SMC5: variants seen among roughly 807,000 people sequenced by gnomAD.
SMC5 encodes structural maintenance of chromosomes protein 5.
A neutral mutation model predicts 148.3 loss-of-function variants in SMC5; 88 were observed. The observed-to-expected ratio is 0.59, with a 90% confidence interval of 0.50 to 0.71. SMC5 has a LOEUF of 0.71. Among genes scored for constraint, SMC5 ranks in the 30% least tolerant of loss-of-function variants. The probability of loss-of-function intolerance (pLI) is 0.00; values close to 1 mark genes in which losing one functional copy is unlikely to be tolerated. For synonymous variants in SMC5, 421 were observed against 432.8 expected (o/e 0.97, Z 0.34); for missense variants, 1,142 against 1,298.9 (o/e 0.88, Z 1.86).
chr9:70,330,487 A>ATAAATAATTTAC (rs2036190559), intron 17 of SMC5, among the ~76,000 whole-genome samples: 1 of 152,002 alleles, frequency 6.6e-6, no homozygotes, highest in Non-Finnish European at 1.5e-5. Context: ...ACTCTGTAGG[A>ATAAATAATTTAC]TAAATAATTT....
At chr9:70,350,314 C>T (rs2036774721) in intron 23 of SMC5, 21 bp downstream of exon 23, 1 of 1,610,998 alleles carries the variant, frequency 6.2e-7, no homozygotes, top group Non-Finnish European at 8.5e-7. Flanking sequence ...TGTTCTGTTA[C>T]TTGGATCTTC....
Position 70,350,357 on chromosome 9 carries a change from TATTGTTGCC to T in SMC5, c.3070-12_3070-4del. 1 of 1,610,642 alleles carries T rather than the reference TATTGTTGCC, an allele frequency of 6.2e-7. No individual in the cohort carries two copies. The highest frequency in any genetic ancestry group is 8.5e-7 in the Non-Finnish European group (1 of 1,178,562). On this transcript the variant is annotated splice_polypyrimidine_tract_variant and intron_variant, in intron 23 of 24. Coordinates refer to ENST00000361138, the MANE Select transcript of SMC5 (RefSeq NM_015110.4). ...CTGTAACAGGAATAAATGTAATCAT[TATTGTTGCC>T]ATTGTTTAGGGAATGGACCCAATCA... is the stretch of plus-strand genomic sequence containing the variant.
intron 17 of SMC5, among the ~76,000 whole-genome samples, chr9:70,334,882 A>G (rs924466236): frequency 3.9e-5 from 6 of 152,206 alleles, no homozygotes; most frequent in Non-Finnish European, 8.8e-5. Context: ...GGTAGCAAAG[A>G]AAAAGTATAT....
chr9:70,279,086 G>A, intron 5 of SMC5, among the ~76,000 whole-genome samples: 1 of 151,896 alleles, frequency 6.6e-6, no homozygotes, highest in South Asian at 2.1e-4. Flanking sequence ...ACATTTAGTT[G>A]GAATGTTGGT....
chr9:70,348,376 C>CT (rs550468647), intron 22 of SMC5, among the ~76,000 whole-genome samples: 64 of 145,478 alleles, frequency 4.4e-4, no homozygotes, highest in African/African-American at 7.3e-4. Context: ...ATATCAGTGT[C>CT]TTTTTTTTTT....
chr9:70,338,072 T>C (rs2036412346), intron 17 of SMC5, among the ~76,000 whole-genome samples: 1 of 152,108 alleles, frequency 6.6e-6, no homozygotes, highest in South Asian at 2.1e-4. Flanking sequence ...TGAAGTGCGG[T>C]GGCATGGTCA....
intron 11 of SMC5, among the ~76,000 whole-genome samples, chr9:70,307,421 A>G (rs1001296856): frequency 6.6e-6 from 1 of 152,132 alleles, no homozygotes; most frequent in African/African-American, 2.4e-5. Context: ...TACCTATAAG[A>G]AAGAGCTTTT....
At chr9:70,291,629 A>G (rs1351533330) in intron 8 of SMC5, among the ~76,000 whole-genome samples, 4 of 152,184 alleles carry the variant, frequency 2.6e-5, no homozygotes, top group African/African-American at 9.7e-5. Context: ...TGTAACTGTT[A>G]TCTGCTTCAG....
At chr9:70,338,647 C>T (rs1458711275) in intron 17 of SMC5, among the ~76,000 whole-genome samples, 1 of 152,134 alleles carries the variant, frequency 6.6e-6, no homozygotes, top group Non-Finnish European at 1.5e-5. Context: ...GCCTTTTTTA[C>T]CTTGGTTGGC....
At chr9:70,269,161 AAAG>A (rs774457544) in intron 3 of SMC5, among the ~76,000 whole-genome samples, 2 of 152,234 alleles carry the variant, frequency 1.3e-5, no homozygotes, top group African/African-American at 2.4e-5. Context: ...ATGGAAGTAA[AAAG>A]AAAATAAATT....
chr9:70,304,512 C>T (rs1587668155), intron 10 of SMC5, among the ~76,000 whole-genome samples: 1 of 152,108 alleles, frequency 6.6e-6, no homozygotes, highest in Non-Finnish European at 1.5e-5. Flanking sequence ...CATGATTAAA[C>T]CCTGTCTCTA....
intron 11 of SMC5, among the ~76,000 whole-genome samples, chr9:70,307,815 A>G (rs2118497302): frequency 1.3e-5 from 2 of 152,176 alleles, no homozygotes; most frequent in Middle Eastern, 3.4e-3. Flanking sequence ...ATTCATTACT[A>G]TTTTAATGCT....
chr9:70,272,847 CAGG>C (rs1439658299), intron 3 of SMC5, among the ~76,000 whole-genome samples: 2 of 152,168 alleles, frequency 1.3e-5, no homozygotes, highest in Non-Finnish European at 2.9e-5. Context: ...GGAACAACTT[CAGG>C]AGGAGTCAGT....
intron 11 of SMC5, among the ~76,000 whole-genome samples, chr9:70,308,301 T>C (rs1301332686): frequency 3.9e-5 from 6 of 152,006 alleles, no homozygotes; most frequent in Non-Finnish European, 8.8e-5. Context: ...CCTCTGAAAA[T>C]AGTTTAAGAA....
chr9:70,326,662 A>G (rs1001560889), intron 17 of SMC5, among the ~76,000 whole-genome samples: 2 of 149,728 alleles, frequency 1.3e-5, no homozygotes, highest in East Asian at 3.9e-4. Context: ...TAAAAGCTAC[A>G]CTCATCTAAA....
At chr9:70,267,810 C>T (rs2034331868) in intron 2 of SMC5, 113 bp from the exon 3 acceptor site, 1 of 848,856 alleles carries the variant, frequency 1.2e-6, no homozygotes, top group East Asian at 2.5e-5. Flanking sequence ...AGCGAACATA[C>T]AAGTGGTACC....
At chr9:70,318,285 G>A (rs897786338) in intron 13 of SMC5, among the ~76,000 whole-genome samples, 1 of 152,008 alleles carries the variant, frequency 6.6e-6, no homozygotes, top group Non-Finnish European at 1.5e-5. Flanking sequence ...CTACTCAGGA[G>A]GCTGAAGTGG....
At chr9:70,350,555 A>G (rs1261469801) in intron 24 of SMC5, 84 bp downstream of exon 24, 8 of 842,902 alleles carry the variant, frequency 9.5e-6, no homozygotes, top group Non-Finnish European at 1.5e-5. Context: ...CAACATGCAC[A>G]TATTAGCAGG....
chr9:70,273,009 C>T lies in SMC5; in HGVS notation c.381-4301C>T, dbSNP rs924441525. On this transcript the variant is annotated intron_variant, in intron 3 of 24. Coordinates refer to ENST00000361138, the MANE Select transcript of SMC5 (RefSeq NM_015110.4). ...GCTCAATTTTGCATTCTTAGAATAA[C>T]CCAGTTTGGTCATAGTATTTTTGAT... Among the ~76,000 whole-genome samples the T allele has an allele frequency of 4.6e-5, 7 of 152,086 alleles. No individual in the cohort carries two copies. The South Asian group carries it at 1.2e-3, about 27-fold the overall frequency.
Sources: gnomAD v4.1 joint callset for allele counts (sites outside exome capture counted in the v4.1 genomes callset) on GRCh38, gnomAD v4.1.1 for gene constraint, MANE v1.5 for transcripts, NCBI Gene and HGNC (gene_info 2026-07-23, HGNC 2026-07-21) for gene names.